EED: variants seen among roughly 807,000 people sequenced by gnomAD.
EED encodes embryonic ectoderm development, also known as polycomb protein EED.
Under a neutral mutation model 61.0 loss-of-function variants are expected in EED, and 9 were observed. The observed-to-expected ratio is 0.15, with a 90% CI of 0.09 to 0.26. The LOEUF (loss-of-function observed/expected upper bound fraction) is 0.26, where lower values mean the gene tolerates loss of function less well. Ranked by LOEUF, EED falls within the 10% of genes least tolerant of loss-of-function variation. The probability of loss-of-function intolerance (pLI) is 1.00; values close to 1 mark genes in which losing one functional copy is unlikely to be tolerated. For synonymous variants in EED, 187 were observed against 174.4 expected, an observed-to-expected ratio of 1.07 and a Z score of -0.57; for missense variants, 315 against 542.3, an observed-to-expected ratio of 0.58 and a Z score of 4.16.
chr11:86,259,107 G>A (rs1363697107), intron 6 of EED, among the ~76,000 whole-genome samples: 2 of 150,586 alleles, frequency 1.3e-5, no homozygotes, highest in African/African-American at 4.9e-5. Context: ...ACCTCAGGTG[G>A]TCCACCCGCA....
intron 1 of EED, among the ~76,000 whole-genome samples, chr11:86,247,471 A>G (rs1006246530): frequency 6.6e-5 from 10 of 152,254 alleles, no homozygotes; most frequent in African/African-American, 2.4e-4. Flanking sequence ...GTCTGATAGT[A>G]GTGATGGGTA....
intron 9 of EED, chr11:86,276,604 A>C (rs1026669282): frequency 6.4e-6 from 1 of 155,398 alleles, no homozygotes; most frequent in Non-Finnish European, 1.4e-5. Flanking sequence ...TTAATGCCGG[A>C]TTCTGAAAAG....
Position 86,278,640 on chromosome 11 carries a change from C to A in EED, c.*115C>A. ...TTAGAGTTGTCTTTCAGCATTCAAT[C>A]AGGCTGAGCTGAATGTAGTGATGTT... is the stretch of plus-strand genomic sequence containing the variant. On this transcript the variant is annotated 3_prime_UTR_variant, in exon 12 of 12. Coordinates refer to ENST00000263360, the MANE Select transcript of EED (RefSeq NM_003797.5). The A allele has an allele frequency of 7.4e-7, 1 of 1,351,812 alleles. No homozygotes were observed. Among genetic ancestry groups the A allele is most frequent in the Non-Finnish European group, 1.0e-6 (1 of 995,170 alleles). 83.7% of individuals were successfully genotyped at this position (1,351,812 alleles called of 1,614,324 possible). A position where few individuals can be genotyped will look rare whatever the true frequency, so the allele number is the denominator to read the frequency against.
Position 86,250,253 on chromosome 11 carries a change from G to A in EED, c.115-43G>A. Reference sequence around the variant, plus strand: ...GTAGAGTTATTTACTGCTAAAAACAGTATTGCTGTTTCATGTAATTTTTCC... The same window carrying A: ...GTAGAGTTATTTACTGCTAAAAACAATATTGCTGTTTCATGTAATTTTTCC... On this transcript the variant is annotated intron_variant, in intron 1 of 11. Coordinates refer to ENST00000263360, the MANE Select transcript of EED (RefSeq NM_003797.5). 2.8e-6 allele frequency: 4 copies of A among 1,453,132 alleles called. No individual in the cohort carries two copies. The East Asian group carries it at 1.1e-4, about 38-fold the overall frequency. 90.0% of individuals were successfully genotyped at this position (1,453,132 alleles called of 1,614,324 possible).
chr11:86,252,039 CAAAAT>C, intron 2 of EED, 104 bp from the exon 3 acceptor site: 1 of 685,590 alleles, frequency 1.5e-6, no homozygotes, highest in Admixed American at 2.9e-5. Flanking sequence ...GTATGATACA[CAAAAT>C]AATGTATTGC....
chr11:86,283,993 C>G, the EED span: 1 of 152,216 alleles, frequency 6.6e-6, no homozygotes, highest in Admixed American at 6.5e-5. Flanking sequence ...ATCTTCCTTA[C>G]CATCGTGTCT....
chr11:86,264,926 C>A (rs1310908899), intron 7 of EED: 1 of 152,102 alleles, frequency 6.6e-6, no homozygotes, highest in Non-Finnish European at 1.5e-5. Context: ...TGTAAAGGGG[C>A]ACCATATTTT....
chr11:86,279,912 G>A (rs79146046), downstream of EED, among the ~76,000 whole-genome samples: 5,140 of 152,220 alleles, frequency 0.034, 277 homozygotes, highest in African/African-American at 0.12. Context: ...CTTACGTACA[G>A]CATCACAAAA....
intron 8 of EED, among the ~76,000 whole-genome samples, chr11:86,266,985 A>T (rs1791375193): frequency 6.6e-6 from 1 of 152,200 alleles, no homozygotes; most frequent in African/African-American, 2.4e-5. Context: ...ATGCACTAAC[A>T]TTCATCAGAC....
At chr11:86,259,557 G>T (rs1945774297) in intron 6 of EED, among the ~76,000 whole-genome samples, 1 of 151,952 alleles carries the variant, frequency 6.6e-6, no homozygotes, top group Admixed American at 6.6e-5. Flanking sequence ...GCCTCAAGCA[G>T]TCCTCCTACC....
intron 8 of EED, 160 bp from the exon 9 acceptor site, chr11:86,268,296 C>G (rs1003942271): frequency 8.2e-6 from 4 of 487,264 alleles, no homozygotes; most frequent in African/African-American, 8.0e-5. Context: ...GAGACTTTAG[C>G]TTTCAATAAA....
intron 9 of EED, among the ~76,000 whole-genome samples, chr11:86,273,054 C>T (rs1480357559): frequency 6.6e-6 from 1 of 152,054 alleles, no homozygotes; most frequent in African/African-American, 2.4e-5. Flanking sequence ...AATAAAATCT[C>T]ACTCAGTCAC....
intron 3 of EED, among the ~76,000 whole-genome samples, chr11:86,253,301 G>T (rs1945583023): frequency 6.6e-6 from 1 of 152,150 alleles, no homozygotes; most frequent in Admixed American, 6.5e-5. Context: ...TTAAGAAAAG[G>T]TTGAGGTTAT....
At chr11:86,269,672 A>G (rs1358061912) in intron 9 of EED, among the ~76,000 whole-genome samples, 1 of 152,230 alleles carries the variant, frequency 6.6e-6, no homozygotes, top group East Asian at 1.9e-4. Context: ...ACAATATCAA[A>G]TCCAGAAAAT....
At chr11:86,249,856 G>C (rs536139633) in intron 1 of EED, among the ~76,000 whole-genome samples, 2 of 152,332 alleles carry the variant, frequency 1.3e-5, no homozygotes, top group East Asian at 1.9e-4. Flanking sequence ...GCTCCAGACT[G>C]AGCAGCAGTC....
At chr11:86,258,423 G>T (rs986427187) in intron 6 of EED, among the ~76,000 whole-genome samples, 1 of 152,156 alleles carries the variant, frequency 6.6e-6, no homozygotes. Flanking sequence ...CCTCTAGGAA[G>T]AGTTGATTAC....
intron 1 of EED, among the ~76,000 whole-genome samples, chr11:86,245,630 G>C (rs1256967444): frequency 2.6e-5 from 4 of 151,936 alleles, no homozygotes; most frequent in Non-Finnish European, 5.9e-5. Flanking sequence ...CCTTTGGGGG[G>C]ATTTAAGGGG....
chr11:86,250,746 T>C (rs1202745902), intron 2 of EED, among the ~76,000 whole-genome samples: 1 of 152,182 alleles, frequency 6.6e-6, no homozygotes, highest in African/African-American at 2.4e-5. Flanking sequence ...TTACTCTTTA[T>C]ATTTTAGTAA....
chr11:86,269,890 AC>A (rs758621430), intron 9 of EED, among the ~76,000 whole-genome samples: 2 of 152,144 alleles, frequency 1.3e-5, no homozygotes, highest in Non-Finnish European at 2.9e-5. Context: ...AGTTTATGTA[AC>A]TATCTATGGT....
Sources: allele counts gnomAD v4.1 joint callset (sites outside exome capture counted in the v4.1 genomes callset), GRCh38; gene constraint gnomAD v4.1.1; transcripts MANE v1.5; gene names NCBI Gene and HGNC (gene_info 2026-07-23, HGNC 2026-07-21).